Variants in TENM2 observed in about 807,000 individuals in gnomAD.
TENM2 encodes the protein teneurin-2.
TENM2 carries 52 observed loss-of-function variants against 245.2 expected under a neutral mutation model. That is an observed-to-expected ratio of 0.21 (90% CI 0.17 to 0.27). The LOEUF (loss-of-function observed/expected upper bound fraction) is 0.27, where lower values mean the gene tolerates loss of function less well. Among genes scored for constraint, TENM2 ranks in the 10% least tolerant of loss-of-function variants. The probability of loss-of-function intolerance (pLI) is 1.00; values close to 1 mark genes in which losing one functional copy is unlikely to be tolerated. For missense variants in TENM2, 3,046 were observed against 3,666.8 expected, an observed-to-expected ratio of 0.83 and a Z score of 4.37; for synonymous variants, 1,363 against 1,438.9, an observed-to-expected ratio of 0.95 and a Z score of 1.19.
intron 2 of TENM2, among the ~76,000 whole-genome samples, chr5:167,783,001 A>G (rs1764301412): frequency 6.6e-6 from 1 of 152,130 alleles, no homozygotes; most frequent in African/African-American, 2.4e-5. Context: ...GCATGCCTCC[A>G]CTTGGCTTGA....
the TENM2 span, among the ~76,000 whole-genome samples, chr5:167,169,601 C>T: frequency 2.4e-3 from 370 of 152,320 alleles, 3 homozygotes; most frequent in African/African-American, 7.1e-3. Flanking sequence ...GCACACTCAG[C>T]GGTGTGCATA....
chr5:167,834,738 C>G (rs1167752535), intron 2 of TENM2, among the ~76,000 whole-genome samples: 2 of 151,944 alleles, frequency 1.3e-5, no homozygotes, highest in Non-Finnish European at 2.9e-5. Context: ...CAAGCTCCGC[C>G]TCCCAGGTTC....
At chr5:167,471,842 A>G (rs1767049103) in intron 2 of TENM2, among the ~76,000 whole-genome samples, 3 of 152,214 alleles carry the variant, frequency 2.0e-5, no homozygotes, top group South Asian at 2.1e-4. Flanking sequence ...GCATTGCAGT[A>G]TAGTGGAAAA....
the TENM2 span, among the ~76,000 whole-genome samples, chr5:167,019,556 C>T: frequency 5.2e-4 from 79 of 152,016 alleles, 1 homozygote; most frequent in Non-Finnish European, 9.3e-4. Context: ...CTGCAACCTC[C>T]ATCTCCTGGG....
intron 2 of TENM2, among the ~76,000 whole-genome samples, chr5:167,635,586 A>ATCCTAATT (rs1779141104): frequency 6.8e-6 from 1 of 147,744 alleles, no homozygotes; most frequent in Non-Finnish European, 1.5e-5. Context: ...CTGAAATATC[A>ATCCTAATT]TCCTAATTTC....
chr5:168,063,323 A>G lies in TENM2; in HGVS notation c.1515+1058A>G, dbSNP rs147755966. ...GAGATTGGATTACATTATGGATTTCATTATTTTTTCTCTCATTCTTCCCTT... is the reference window on the plus strand; with the variant it reads ...GAGATTGGATTACATTATGGATTTCGTTATTTTTTCTCTCATTCTTCCCTT... On this transcript the variant is annotated intron_variant, in intron 7 of 28. Coordinates refer to ENST00000518659, the Ensembl canonical transcript of TENM2. Among the ~76,000 whole-genome samples the G allele has an allele frequency of 1.9e-4, 29 of 152,280 alleles. No individual in the cohort carries two copies. In the East Asian group the frequency reaches 4.6e-3, roughly 24 times the overall value.
intron 5 of TENM2, among the ~76,000 whole-genome samples, chr5:168,039,159 G>A (rs1226503539): frequency 2.0e-5 from 3 of 152,140 alleles, no homozygotes; most frequent in African/African-American, 4.8e-5. Context: ...GCACATCTAC[G>A]GATCGATATG....
At chr5:167,584,194 C>A (rs1437943158) in intron 2 of TENM2, among the ~76,000 whole-genome samples, 1 of 152,164 alleles carries the variant, frequency 6.6e-6, no homozygotes, top group East Asian at 1.9e-4. Flanking sequence ...AAGAATGAAG[C>A]AATGAAAGCA....
intron 2 of TENM2, among the ~76,000 whole-genome samples, chr5:167,601,288 C>G (rs1582507601): frequency 1.3e-5 from 2 of 152,364 alleles, no homozygotes; most frequent in African/African-American, 4.8e-5. Context: ...ACAGTAGGCA[C>G]TAGCCACATT....
intron 7 of TENM2, chr5:168,087,530 A>G (rs1581259685): frequency 6.6e-6 from 1 of 151,272 alleles, no homozygotes; most frequent in Admixed American, 6.6e-5. Flanking sequence ...AATTGCTTGA[A>G]CCCGAGAGGT....
At chr5:167,085,544 T>TA in the TENM2 span, among the ~76,000 whole-genome samples, 2 of 152,214 alleles carry the variant, frequency 1.3e-5, no homozygotes, top group Non-Finnish European at 2.9e-5. Context: ...ATTTAATACT[T>TA]ATAAAAATCT....
intron 25 of TENM2, among the ~76,000 whole-genome samples, chr5:168,235,674 C>T (rs527847907): frequency 7.6e-4 from 115 of 151,938 alleles, no homozygotes; most frequent in Non-Finnish European, 1.5e-3. Context: ...AGGTGTGGTG[C>T]GGCACGCCTA....
At chr5:167,084,100 T>G in the TENM2 span, among the ~76,000 whole-genome samples, 1 of 151,628 alleles carries the variant, frequency 6.6e-6, no homozygotes, top group Non-Finnish European at 1.5e-5. Context: ...CTAATTTGGG[T>G]ATAAGAAATG....
the TENM2 span, among the ~76,000 whole-genome samples, chr5:167,258,243 G>A: frequency 5.6e-4 from 76 of 135,954 alleles, no homozygotes; most frequent in African/African-American, 1.5e-3. Flanking sequence ...ATATATATAT[G>A]TATATATATA....
intron 3 of TENM2, among the ~76,000 whole-genome samples, chr5:167,922,794 C>A (rs1002313797): frequency 3.3e-5 from 5 of 152,186 alleles, no homozygotes; most frequent in Non-Finnish European, 7.3e-5. Flanking sequence ...CTTAGCCTTA[C>A]CTCGGTGTAA....
chr5:167,907,834 G>A (rs948722340), intron 3 of TENM2, among the ~76,000 whole-genome samples: 4 of 151,442 alleles, frequency 2.6e-5, no homozygotes, highest in Admixed American at 6.6e-5. Flanking sequence ...AAAGTTCCAC[G>A]AACCTTGCAT....
intron 3 of TENM2, among the ~76,000 whole-genome samples, chr5:167,931,552 A>G (rs1447654249): frequency 1.3e-4 from 5 of 39,596 alleles, no homozygotes; most frequent in East Asian, 8.9e-4. Flanking sequence ...AACCCATTGG[A>G]AAAAAAAAAA....
At chr5:167,510,519 A>G (rs1301693315) in intron 2 of TENM2, among the ~76,000 whole-genome samples, 6 of 152,256 alleles carry the variant, frequency 3.9e-5, no homozygotes, top group South Asian at 4.1e-4. Flanking sequence ...GTTTTATACC[A>G]TAAGTGTTTC....
exon 29 of TENM2, chr5:168,262,713 A>G: frequency 6.2e-7 from 1 of 1,611,408 alleles, no homozygotes. Flanking sequence ...CAAGGGTACG[A>G]GGGATATTAC....
Sources: gnomAD v4.1 joint callset for allele counts (sites outside exome capture counted in the v4.1 genomes callset) on GRCh38, gnomAD v4.1.1 for gene constraint, MANE v1.5 for transcripts, NCBI Gene and HGNC (gene_info 2026-07-23, HGNC 2026-07-21) for gene names.